The following DIS3 variants were observed in gnomAD, a reference collection of about 807,000 sequenced individuals.
DIS3 encodes exosome complex exonuclease RRP44.
In DIS3, 103 loss-of-function variants were observed where a neutral mutation model predicts 113.0. That is an observed-to-expected ratio of 0.91 (90% CI 0.78 to 1.07). DIS3 has a LOEUF of 1.07. DIS3 is among the 50% of genes least tolerant of loss of function. The pLI, the probability that DIS3 is intolerant of heterozygous loss-of-function variation, is 0.00. For missense variants in DIS3, 1,121 were observed against 1,167.1 expected (o/e 0.96, Z 0.58); for synonymous variants, 402 against 394.3 (o/e 1.02, Z -0.23).
chr13:72,773,869 T>A, intron 7 of DIS3, 48 bp from the exon 8 acceptor site: 1 of 1,597,084 alleles, frequency 6.3e-7, no homozygotes, highest in Non-Finnish European at 8.5e-7. Flanking sequence ...AATCTGAGGA[T>A]GGAGGCAAAA....
chr13:72,767,836 T>G (rs1332651753), intron 14 of DIS3, among the ~76,000 whole-genome samples: 1 of 152,196 alleles, frequency 6.6e-6, no homozygotes, highest in East Asian at 1.9e-4. Context: ...GACCCTATCC[T>G]AGAGGGGCTT....
intron 14 of DIS3, 146 bp downstream of exon 14, chr13:72,768,639 G>T: frequency 1.8e-6 from 1 of 544,536 alleles, no homozygotes; most frequent in Non-Finnish European, 2.9e-6. Context: ...GTAAAACTCC[G>T]TTTCAAATAC....
rs1232303561 is a variant in DIS3 at position 72,781,872 on chromosome 13, T to C, written c.-40A>G. ...CAGAATCCTAACCCCAGCAGCGCTC[T>C]TCCAGCAAAAGGCGTCAATCTAGAA... is the stretch of plus-strand genomic sequence containing the variant. On this transcript the variant is annotated 5_prime_UTR_variant, in exon 1 of 21. Transcript: ENST00000377767. 4 of 1,489,524 alleles carry C rather than the reference T, an allele frequency of 2.7e-6. No homozygotes were observed. Among genetic ancestry groups the C allele is most frequent in the Non-Finnish European group, 3.6e-6 (4 of 1,111,472 alleles). The allele number at this position is 1,489,524 out of a possible 1,614,324, so 92.3% of individuals were successfully genotyped here.
In DIS3 at chr13:72,760,503, C is replaced by G. The variant is rs201178350; in HGVS notation, c.2793+26G>C. The G allele has an allele frequency of 8.4e-4, 1,348 of 1,612,968 alleles. 2 individuals are homozygous for G. The highest frequency in any genetic ancestry group is 1.0e-3 in the Non-Finnish European group (1,189 of 1,179,318). ...ATATGTACTGTTTGTTCCATCACAA[C>G]AAGGAAATTTTAAGTTTGGCCTTAC... On this transcript the variant is annotated intron_variant, in intron 20 of 20. Coordinates refer to ENST00000377767, the MANE Select transcript of DIS3 (RefSeq NM_014953.5).
intron 15 of DIS3, among the ~76,000 whole-genome samples, chr13:72,765,094 A>G (rs2325495): frequency 0.21 from 31,630 of 152,106 alleles, 3,709 homozygotes; most frequent in Non-Finnish European, 0.25. Flanking sequence ...CTTAATGTAA[A>G]TAAGAGGCAG....
Position 72,768,799 on chromosome 13 carries a change from T to A in DIS3, c.1869A>T (p.Arg623Ser), listed in dbSNP as rs747756139. Residue 623 changes from arginine to serine, a missense_variant, in exon 14 of 21, where the codon AGA becomes AGT. Coordinates refer to ENST00000377767, the MANE Select transcript of DIS3 (RefSeq NM_014953.5). ...ACAAAATATACCCTTTTTCAATCCT[T>A]CTTTTCTTCAGAATTTTGGCTAGTT... is the stretch of plus-strand genomic sequence containing the variant. ...LNKLAKILKK[R>S]RIEKGALTLS... 2.5e-6 allele frequency: 4 copies of A among 1,601,324 alleles called. No homozygotes were observed. In the South Asian group the frequency reaches 4.5e-5, roughly 18 times the overall value.
chr13:72,767,082 G>A (rs2033767701), intron 14 of DIS3, among the ~76,000 whole-genome samples: 1 of 152,016 alleles, frequency 6.6e-6, no homozygotes, highest in Non-Finnish European at 1.5e-5. Flanking sequence ...ATCACATTTT[G>A]ATCATTTTTC....
At chr13:72,779,158 T>C (rs1307750010) in intron 2 of DIS3, among the ~76,000 whole-genome samples, 2 of 151,988 alleles carry the variant, frequency 1.3e-5, no homozygotes, top group South Asian at 2.1e-4. Context: ...TCTTGCTCTG[T>C]AGCTCAGGCT....
At position 72,752,427 on chromosome 13, in the gene DIS3, C is replaced by T. The variant is rs1445752970; in HGVS notation, c.*7368G>A. The stretch of plus-strand genomic sequence containing the variant: ...CATCTCAACTTGGCTCTCATCAATC[C>T]TGCTCTTCCCATAGTGTGGGACAAA... On this transcript the variant is annotated 3_prime_UTR_variant, in exon 21 of 21. Coordinates refer to ENST00000377767, the MANE Select transcript of DIS3 (RefSeq NM_014953.5). 1 of 152,212 alleles carries T rather than the reference C, an allele frequency of 6.6e-6. No homozygotes were observed. Among genetic ancestry groups the T allele is most frequent in the Non-Finnish European group, 1.5e-5 (1 of 68,054 alleles). The allele number at this position is 152,212 out of a possible 1,614,324, so 9.4% of individuals were successfully genotyped here. A position where few individuals can be genotyped will look rare whatever the true frequency, so the allele number is the denominator to read the frequency against.
chr13:72,769,553 C>A (rs2033837274), intron 13 of DIS3, among the ~76,000 whole-genome samples: 1 of 149,296 alleles, frequency 6.7e-6, no homozygotes, highest in Admixed American at 6.7e-5. Context: ...TAAGAAAGAG[C>A]ATAACAGAGT....
At chr13:72,772,401 C>T in intron 9 of DIS3, 126 bp from the exon 10 acceptor site, 1 of 774,568 alleles carries the variant, frequency 1.3e-6, no homozygotes, top group Non-Finnish European at 2.0e-6. Flanking sequence ...TGATGACAAC[C>T]ACATTTCTTT....
rs3759417 is a variant in DIS3 at position 72,766,004 on chromosome 13, G to A, written c.1938C>T (p.His646=). 1.5e-4 allele frequency: 246 copies of A among 1,610,862 alleles called. No individual in the cohort carries two copies. The East Asian group carries it at 4.3e-3, about 28-fold the overall frequency. Residue 646 remains histidine (H), a synonymous_variant, in exon 15 of 21, where the codon CAC becomes CAT. Transcript: ENST00000377767. ...EVRFHMDSET[H]DPIDLQTKEL... ...CCTTGGTCTGCAGATCTATAGGATCGTGAGTTTCACTGTCCATGTGGAATC... is the reference window on the plus strand; with the variant it reads ...CCTTGGTCTGCAGATCTATAGGATCATGAGTTTCACTGTCCATGTGGAATC...
rs367719842 is a variant in DIS3, at chr13:72,762,016, T to C, written c.2249A>G (p.Gln750Arg). The C allele has an allele frequency of 4.0e-5, 64 of 1,614,162 alleles. No homozygotes were observed. Among genetic ancestry groups the C allele is most frequent in the Non-Finnish European group, 5.4e-5 (64 of 1,180,040 alleles). Residue 750 changes from glutamine to arginine, a missense_variant, in exon 17 of 21, where the codon CAA becomes CGA. Gln to Arg is a conservative substitution (Grantham distance 43). Around this residue, in one of 3 missense-constraint regions of DIS3, gnomAD observed 861 missense variants for 915.5 expected, o/e 0.94. Transcript: ENST00000377767. The stretch of plus-strand genomic sequence containing the variant: ...CATTCCAGAACAGAAGTACACAGCT[T>C]GCATCATACAGCGAGTGGCTAATAT... ...LRILATRCMM[Q>R]AVYFCSGMDN...
In DIS3 at chr13:72,755,989, T is replaced by C; in HGVS notation, c.*3806A>G. The C allele has an allele frequency of 2.5e-6, 1 of 398,560 alleles. No individual in the cohort carries two copies. Among genetic ancestry groups the C allele is most frequent in the Non-Finnish European group, 4.4e-6 (1 of 226,058 alleles). 24.7% of individuals were successfully genotyped at this position (398,560 alleles called of 1,614,324 possible). A position where few individuals can be genotyped will look rare whatever the true frequency, so the allele number is the denominator to read the frequency against. ...AAAAGTGGGGCTGGGAGAGTGGAGT[T>C]CCCGTAGGGCATAGGCCTGTGAAGT... On this transcript the variant is annotated 3_prime_UTR_variant, in exon 21 of 21. Coordinates refer to ENST00000377767, the MANE Select transcript of DIS3 (RefSeq NM_014953.5).
At position 72,763,519 on chromosome 13, in the gene DIS3, G is replaced by A; in HGVS notation, c.2059C>T (p.Leu687=). The A allele has an allele frequency of 1.9e-6, 3 of 1,613,926 alleles. No individual in the cohort carries two copies. The highest frequency in any genetic ancestry group is 2.5e-6 in the Non-Finnish European group (3 of 1,179,972). Residue 687 remains leucine (L), a synonymous_variant, in exon 16 of 21, where the codon CTG becomes TTG. Transcript: ENST00000377767. ...GGTGGAGCAGGATGTTTTCGAAGCA[G>A]AGCATGTTCAGAAAATTCCTCATGA... The part of the protein sequence containing the change: ...KIHEEFSEHA[L]LRKHPAPPPS...
At chr13:72,775,090 A>C (rs998971484) in intron 6 of DIS3, 121 bp downstream of exon 6, 105 of 1,108,826 alleles carry the variant, frequency 9.5e-5, no homozygotes, top group Non-Finnish European at 1.2e-4. Context: ...GACATGCGTT[A>C]AATATACAGA....
intron 5 of DIS3, among the ~76,000 whole-genome samples, chr13:72,775,714 G>A (rs1477932317): frequency 6.6e-6 from 1 of 151,582 alleles, no homozygotes; most frequent in Non-Finnish European, 1.5e-5. Context: ...TATAGGTTGG[G>A]TTGAATATTA....
chr13:72,765,384 CCTA>C (rs1416768991), intron 15 of DIS3, among the ~76,000 whole-genome samples: 1 of 152,160 alleles, frequency 6.6e-6, no homozygotes, highest in Admixed American at 6.6e-5. Flanking sequence ...TACTATCTAT[CCTA>C]CTATCTATTA....
intron 14 of DIS3, among the ~76,000 whole-genome samples, chr13:72,766,878 A>G (rs979960301): frequency 1.3e-5 from 2 of 152,202 alleles, no homozygotes; most frequent in African/African-American, 4.8e-5. Flanking sequence ...AAGTTAAAAG[A>G]AACACTAAGT....
Sources: gnomAD v4.1 joint callset for allele counts (sites outside exome capture counted in the v4.1 genomes callset) on GRCh38, gnomAD v4.1.1 for gene constraint, gnomAD v4.1.1 regional missense constraint, MANE v1.5 for transcripts, NCBI Gene and HGNC (gene_info 2026-07-23, HGNC 2026-07-21) for gene names.